The following TAF1B variants were observed in gnomAD, a reference collection of about 807,000 sequenced individuals.
The protein encoded by TAF1B is TATA box-binding protein-associated factor RNA polymerase I subunit B.
TAF1B carries 61 observed loss-of-function variants against 83.9 expected under a neutral mutation model. The observed-to-expected ratio is 0.73, with a 90% CI of 0.59 to 0.90. The LOEUF is 0.90. TAF1B is among the 40% of genes least tolerant of loss of function. The pLI, the probability that TAF1B is intolerant of heterozygous loss-of-function variation, is 0.00. For missense variants in TAF1B, 625 were observed against 677.0 expected, an observed-to-expected ratio of 0.92 and a Z score of 0.85; for synonymous variants, 221 against 224.6, an observed-to-expected ratio of 0.98 and a Z score of 0.14.
At chr2:9,862,803 G>T (rs1289430322) in intron 5 of TAF1B, among the ~76,000 whole-genome samples, 1 of 152,198 alleles carries the variant, frequency 6.6e-6, no homozygotes, top group Non-Finnish European at 1.5e-5. Context: ...CATTCTTAAA[G>T]AAAAGAATTT....
intron 8 of TAF1B, among the ~76,000 whole-genome samples, chr2:9,897,670 G>A (rs1179326846): frequency 3.3e-5 from 5 of 152,112 alleles, no homozygotes; most frequent in Admixed American, 6.5e-5. Context: ...AAAAAGACTC[G>A]TCCAGAGCTG....
intron 5 of TAF1B, among the ~76,000 whole-genome samples, chr2:9,862,800 A>G (rs1229108398): frequency 2.6e-5 from 4 of 152,238 alleles, no homozygotes; most frequent in African/African-American, 9.6e-5. Flanking sequence ...CAACATTCTT[A>G]AAGAAAAGAA....
rs750702850 is a variant in TAF1B at position 9,919,548 on chromosome 2, G to A, written c.1343-50G>A. 12 of 1,508,284 alleles carry A rather than the reference G, an allele frequency of 8.0e-6. No homozygotes were observed. In the South Asian group the frequency reaches 1.4e-4, roughly 17 times the overall value. The allele number at this position is 1,508,284 out of a possible 1,614,324, so 93.4% of individuals were successfully genotyped here. A position where few individuals can be genotyped will look rare whatever the true frequency, so the allele number is the denominator to read the frequency against. On this transcript the variant is annotated intron_variant, in intron 13 of 14. Coordinates refer to ENST00000263663, the MANE Select transcript of TAF1B (RefSeq NM_005680.3). ...ATCAAGTAAATTCCAGGCTTTATTT[G>A]TGATTTAACATTACTTGTTATTTTG...
At chr2:9,867,024 C>T (rs181648445) in intron 5 of TAF1B, among the ~76,000 whole-genome samples, 2 of 152,206 alleles carry the variant, frequency 1.3e-5, no homozygotes, top group African/African-American at 4.8e-5. Context: ...CAACATGGCA[C>T]ATGTATACAT....
rs1664064837 is a variant in TAF1B at position 9,868,424 on chromosome 2, A to T, written c.548A>T (p.Gln183Leu). 1 of 1,610,542 alleles carries T rather than the reference A, an allele frequency of 6.2e-7. No individual in the cohort carries two copies. Among genetic ancestry groups the T allele is most frequent in the Non-Finnish European group, 8.5e-7 (1 of 1,178,210 alleles). ...CCTTTCCCCGTCAGCAAAGCATCACAATCAGGTAAAAATGAGAACCAAACC... is the reference window on the plus strand; with the variant it reads ...CCTTTCCCCGTCAGCAAAGCATCACTATCAGGTAAAAATGAGAACCAAACC... Reference protein sequence around the residue: ...RKPFPVSKASQSETSVCSGSL... With the variant: ...RKPFPVSKASLSETSVCSGSL... Residue 183 changes from glutamine (Q) to leucine (L), a missense_variant, in exon 6 of 15, where the codon CAA becomes CTA. By Grantham distance (113) the Gln-to-Leu change is moderately radical (BLOSUM62 -2). Transcript: ENST00000263663.
chr2:9,883,226 TA>T (rs1664567939), intron 8 of TAF1B, among the ~76,000 whole-genome samples: 1 of 152,246 alleles, frequency 6.6e-6, no homozygotes, highest in South Asian at 2.1e-4. Context: ...TCACTTATGT[TA>T]GTTTGTCTTT....
intron 8 of TAF1B, among the ~76,000 whole-genome samples, chr2:9,887,745 T>C (rs1050206875): frequency 3.9e-5 from 6 of 152,162 alleles, no homozygotes; most frequent in African/African-American, 1.4e-4. Context: ...ATCAGTATAG[T>C]TGGGTTTGAA....
intron 14 of TAF1B, among the ~76,000 whole-genome samples, chr2:9,929,438 G>A (rs140823737): frequency 0.081 from 12,334 of 152,142 alleles, 595 homozygotes; most frequent in Middle Eastern, 0.15. Flanking sequence ...GATTACAGGC[G>A]CGAGCCACCG....
intron 10 of TAF1B, 149 bp from the exon 11 acceptor site, chr2:9,911,362 C>T (rs1665527782): frequency 1.7e-6 from 1 of 577,346 alleles, no homozygotes. Flanking sequence ...TTTATAGTGT[C>T]TCCTCCTCTG....
At chr2:9,857,007 G>A (rs915961612) in intron 5 of TAF1B, among the ~76,000 whole-genome samples, 2 of 152,084 alleles carry the variant, frequency 1.3e-5, no homozygotes, top group Non-Finnish European at 2.9e-5. Context: ...TATTATCTTG[G>A]GTGAGGTAAA....
At chr2:9,904,505 G>C (rs1270672394) in intron 8 of TAF1B, among the ~76,000 whole-genome samples, 1 of 152,130 alleles carries the variant, frequency 6.6e-6, no homozygotes, top group South Asian at 2.1e-4. Flanking sequence ...GTCCACTGTT[G>C]GTAGGCATTT....
At chr2:9,847,508 G>T (rs1206323313) in intron 2 of TAF1B, among the ~76,000 whole-genome samples, 1 of 152,122 alleles carries the variant, frequency 6.6e-6, no homozygotes, top group Admixed American at 6.5e-5. Context: ...GGTGCAACTT[G>T]CCCTATTTTT....
At chr2:9,919,510 T>G in intron 13 of TAF1B, 88 bp from the exon 14 acceptor site, 5 of 1,173,558 alleles carry the variant, frequency 4.3e-6, no homozygotes, top group South Asian at 4.0e-5. Flanking sequence ...GGAACCAATA[T>G]TGGTACATTC....
chr2:9,889,912 G>A (rs939008965), intron 8 of TAF1B, among the ~76,000 whole-genome samples: 2 of 152,174 alleles, frequency 1.3e-5, no homozygotes, highest in Non-Finnish European at 2.9e-5. Context: ...TTTGGAAATT[G>A]TTTGCTCTAC....
intron 1 of TAF1B, chr2:9,843,786 G>T: frequency 2.0e-6 from 1 of 505,874 alleles, no homozygotes; most frequent in South Asian, 2.7e-5. Flanking sequence ...TTGTGGGGGA[G>T]GGAGGGTGTG....
Position 9,919,702 on chromosome 2 carries a change from G to A in TAF1B, c.1447G>A (p.Asp483Asn). ...SSFQFNWTEE[D>N]TDRTCFHGHS... ...TTTTCAGTTCAACTGGACTGAAGAG[G>A]ACACTGATAGAACGTGTTTCCATGG... Residue 483 changes from aspartate to asparagine, a missense_variant, in exon 14 of 15, where the codon GAC (aspartate) becomes AAC (asparagine). Asp to Asn is a conservative substitution (Grantham distance 23, BLOSUM62 1). Coordinates refer to ENST00000263663, the MANE Select transcript of TAF1B (RefSeq NM_005680.3). 1 of 1,614,184 alleles carries A rather than the reference G, an allele frequency of 6.2e-7. No individual in the cohort carries two copies. The highest frequency in any genetic ancestry group is 8.5e-7 in the Non-Finnish European group (1 of 1,180,034).
intron 5 of TAF1B, among the ~76,000 whole-genome samples, chr2:9,855,363 G>A (rs1175095959): frequency 6.6e-6 from 1 of 152,150 alleles, no homozygotes; most frequent in African/African-American, 2.4e-5. Context: ...TAAACCCATT[G>A]TAAGCTGAAA....
At chr2:9,896,552 GT>G (rs2125164391) in intron 8 of TAF1B, among the ~76,000 whole-genome samples, 1 of 116,210 alleles carries the variant, frequency 8.6e-6, no homozygotes, top group East Asian at 2.7e-4. Context: ...GCTGGGGACT[GT>G]TTTCCTTCTG....
intron 8 of TAF1B, among the ~76,000 whole-genome samples, chr2:9,887,133 G>A (rs1006059964): frequency 6.6e-6 from 1 of 151,990 alleles, no homozygotes; most frequent in African/African-American, 2.4e-5. Context: ...TATAATAGTC[G>A]CATTTATTTC....
Sources: gnomAD v4.1 joint callset for allele counts (sites outside exome capture counted in the v4.1 genomes callset) on GRCh38, gnomAD v4.1.1 for gene constraint, MANE v1.5 for transcripts, NCBI Gene and HGNC (gene_info 2026-07-23, HGNC 2026-07-21) for gene names.